LYPD1: variants seen among roughly 807,000 people sequenced by gnomAD.
LYPD1 encodes the protein LY6/PLAUR domain containing 1.
LYPD1 carries 14 observed loss-of-function variants against 14.2 expected under a neutral mutation model. That is an observed-to-expected ratio of 0.99 (90% CI 0.65 to 1.54). The LOEUF (loss-of-function observed/expected upper bound fraction) is 1.54, where lower values mean the gene tolerates loss of function less well. LYPD1 is among the 40% of genes most tolerant of loss of function. The pLI is 0.00. For missense variants in LYPD1, 165 were observed against 175.7 expected (o/e 0.94, Z 0.34); for synonymous variants, 85 against 70.6 (o/e 1.20, Z -1.02).
At chr2:132,660,808 C>A (rs75542275) in intron 2 of LYPD1, among the ~76,000 whole-genome samples, 7,289 of 152,250 alleles carry the variant, frequency 0.048, 540 homozygotes, top group African/African-American at 0.16. Context: ...TCTGCCTATA[C>A]AAAGGCTGTA....
chr2:132,664,301 A>G (rs995264276), intron 2 of LYPD1, among the ~76,000 whole-genome samples: 91 of 152,334 alleles, frequency 6.0e-4, no homozygotes, highest in African/African-American at 2.1e-3. Context: ...CTTTCTACTA[A>G]GAGTGGATGA....
intron 2 of LYPD1, among the ~76,000 whole-genome samples, chr2:132,654,278 G>T (rs571632539): frequency 6.6e-6 from 1 of 151,884 alleles, no homozygotes; most frequent in Non-Finnish European, 1.5e-5. Flanking sequence ...GCGCTTGCCT[G>T]TGGTCCCAGC....
At chr2:132,667,695 G>A (rs1367066390) in intron 2 of LYPD1, among the ~76,000 whole-genome samples, 1 of 152,178 alleles carries the variant, frequency 6.6e-6, no homozygotes, top group Non-Finnish European at 1.5e-5. Flanking sequence ...TTTGACTTCT[G>A]ATAAGACAGC....
chr2:132,666,055 C>T (rs1683253798), intron 2 of LYPD1, among the ~76,000 whole-genome samples: 1 of 152,128 alleles, frequency 6.6e-6, no homozygotes, highest in Non-Finnish European at 1.5e-5. Flanking sequence ...CTGGCTGTGG[C>T]ATGAGGAAAC....
At position 132,669,778 on chromosome 2, in the gene LYPD1, G is replaced by C; in HGVS notation, c.52+103C>G. 6.5e-7 allele frequency: 1 copy of C among 1,537,300 alleles called. No homozygotes were observed. Among genetic ancestry groups the C allele is most frequent in the Non-Finnish European group, 8.7e-7 (1 of 1,146,376 alleles). On this transcript the variant is annotated intron_variant, in intron 1 of 2. Coordinates refer to ENST00000397463, the MANE Select transcript of LYPD1 (RefSeq NM_144586.7). This position sits in a 1 kb window ranked among gnomAD's most constrained non-coding sequence, Gnocchi z 4.3. ...CGCCAACTCCCGCTGGGCAGCCCCA[G>C]CGCAGGGCTGGCCCCGAGGTGGGCG...
Position 132,669,186 on chromosome 2 carries a change from T to C in LYPD1, c.53-649A>G, listed in dbSNP as rs532859698. Reference sequence around the variant, plus strand: ...GCCACAGAGGGTGGGAAAGGGCGTTTGTGAGCGCGCGCACCCTGGATCCCC... The same window carrying C: ...GCCACAGAGGGTGGGAAAGGGCGTTCGTGAGCGCGCGCACCCTGGATCCCC... On this transcript the variant is annotated intron_variant, in intron 1 of 2. Transcript: ENST00000397463. The surrounding 1 kb of genome is among the most constrained non-coding windows in gnomAD (Gnocchi z 4.3). Among the ~76,000 whole-genome samples the C allele has an allele frequency of 1.3e-3, 191 of 152,188 alleles. No individual in the cohort carries two copies. Among genetic ancestry groups the C allele is most frequent in the African/African-American group, 4.5e-3 (187 of 41,550 alleles).
chr2:132,669,729 G>T lies in LYPD1; in HGVS notation c.52+152C>A. ...GGGACTTGGACACTTTCCCAGCCTC[G>T]CGCCCCGGGGCACCAGTCGCGGCCG... On this transcript the variant is annotated intron_variant, in intron 1 of 2. Transcript: ENST00000397463. This position sits in a 1 kb window ranked among gnomAD's most constrained non-coding sequence, Gnocchi z 4.3. 1 of 1,423,108 alleles carries T rather than the reference G, an allele frequency of 7.0e-7. No individual in the cohort carries two copies. Among genetic ancestry groups the T allele is most frequent in the Non-Finnish European group, 9.2e-7 (1 of 1,087,274 alleles). 88.2% of individuals were successfully genotyped at this position (1,423,108 alleles called of 1,614,324 possible).
intron 2 of LYPD1, among the ~76,000 whole-genome samples, chr2:132,665,858 C>A (rs1683239118): frequency 6.6e-6 from 1 of 152,180 alleles, no homozygotes; most frequent in African/African-American, 2.4e-5. Context: ...CAGCAAGATT[C>A]CAACATGCAT....
intron 2 of LYPD1, among the ~76,000 whole-genome samples, chr2:132,664,456 C>T (rs1683155597): frequency 6.6e-6 from 1 of 152,182 alleles, no homozygotes. Flanking sequence ...AGGAAAATAG[C>T]CATTACTTAC....
chr2:132,651,326 G>C (rs1049511896), intron 2 of LYPD1, among the ~76,000 whole-genome samples: 53 of 152,260 alleles, frequency 3.5e-4, no homozygotes, highest in African/African-American at 1.3e-3. Flanking sequence ...CTCAAGAAAA[G>C]AGCCACCAGG....
At chr2:132,665,901 C>G (rs529299422) in intron 2 of LYPD1, among the ~76,000 whole-genome samples, 1 of 152,256 alleles carries the variant, frequency 6.6e-6, no homozygotes, top group South Asian at 2.1e-4. Context: ...TCTTTCAGCT[C>G]TAGTATGCTG....
At chr2:132,646,961 A>G (rs575829931) in intron 2 of LYPD1, among the ~76,000 whole-genome samples, 36 of 152,162 alleles carry the variant, frequency 2.4e-4, no homozygotes, top group South Asian at 2.1e-3. Flanking sequence ...TGCAAAAAAA[A>G]GCTTCCCAAG....
At chr2:132,658,160 C>T (rs1374954164) in intron 2 of LYPD1, among the ~76,000 whole-genome samples, 1 of 152,082 alleles carries the variant, frequency 6.6e-6, no homozygotes, top group Non-Finnish European at 1.5e-5. Flanking sequence ...AACCTGAGGA[C>T]AAAAAGCCAA....
At chr2:132,650,459 G>C (rs556882866) in intron 2 of LYPD1, among the ~76,000 whole-genome samples, 1 of 152,124 alleles carries the variant, frequency 6.6e-6, no homozygotes, top group East Asian at 1.9e-4. Context: ...CCACTTTTAC[G>C]CATGTACCCT....
At chr2:132,655,880 C>T (rs1364815886) in intron 2 of LYPD1, among the ~76,000 whole-genome samples, 1 of 152,034 alleles carries the variant, frequency 6.6e-6, no homozygotes, top group Non-Finnish European at 1.5e-5. Context: ...CATAAATGGT[C>T]ATCATTTAAC....
At chr2:132,659,826 G>A (rs918942316) in intron 2 of LYPD1, among the ~76,000 whole-genome samples, 9 of 152,192 alleles carry the variant, frequency 5.9e-5, no homozygotes, top group Non-Finnish European at 1.2e-4. Flanking sequence ...TAGTCAACCC[G>A]CTAGGCTCTA....
At chr2:132,650,426 A>G (rs1682312239) in intron 2 of LYPD1, among the ~76,000 whole-genome samples, 1 of 152,198 alleles carries the variant, frequency 6.6e-6, no homozygotes, top group African/African-American at 2.4e-5. Flanking sequence ...TTGCAAATGC[A>G]TGTACTCTGT....
At position 132,643,498 on chromosome 2, in the gene LYPD1, C is replaced by T. The variant is rs1314536265; in HGVS notation, c.*2547G>A. 6.6e-6 allele frequency among the ~76,000 whole-genome samples: 1 copy of T among 152,166 alleles called. No individual in the cohort carries two copies. On this transcript the variant is annotated 3_prime_UTR_variant, in exon 3 of 3. Coordinates refer to ENST00000397463, the MANE Select transcript of LYPD1 (RefSeq NM_144586.7). ...CTCAATTCTGGATGTGTGAATGTGG[C>T]TGTTTTTTCCTGGAGCATTTATTTA...
chr2:132,645,449 C>T lies in LYPD1; in HGVS notation c.*596G>A. On this transcript the variant is annotated 3_prime_UTR_variant, in exon 3 of 3. Transcript: ENST00000397463. ...TTCGCGTCCCGGCGCCAGTCCTCTG[C>T]AAGGAGAACTGAGAAGATTTTCTTA... 6.2e-7 allele frequency: 1 copy of T among 1,613,842 alleles called. No homozygotes were observed. The highest frequency in any genetic ancestry group is 8.5e-7 in the Non-Finnish European group (1 of 1,180,030).
Sources: gnomAD v4.1 joint callset for allele counts (sites outside exome capture counted in the v4.1 genomes callset) on GRCh38, gnomAD v4.1.1 for gene constraint, Gnocchi (gnomAD v3.1) non-coding constraint, MANE v1.5 for transcripts, NCBI Gene and HGNC (gene_info 2026-07-23, HGNC 2026-07-21) for gene names.